CFTR: variants seen among roughly 807,000 people sequenced by gnomAD.
CFTR encodes cystic fibrosis transmembrane conductance regulator.
CFTR carries 181 observed loss-of-function variants against 171.6 expected under a neutral mutation model. The observed-to-expected ratio is 1.05, with a 90% CI of 0.93 to 1.19. The LOEUF (loss-of-function observed/expected upper bound fraction) is 1.19, where lower values mean the gene tolerates loss of function less well. Ranked by LOEUF, CFTR falls within the 50% of genes most tolerant of loss-of-function variation. CFTR has a pLI of 0.00. For missense variants in CFTR, 1,968 were observed against 1,734.7 expected (o/e 1.13, Z -2.39); for synonymous variants, 583 against 608.0 (o/e 0.96, Z 0.60).
chr7:117,512,826 A>T (rs2116646839), intron 3 of CFTR, among the ~76,000 whole-genome samples: 1 of 152,090 alleles, frequency 6.6e-6, no homozygotes, highest in Non-Finnish European at 1.5e-5. Context: ...CATTCAAAAT[A>T]CTCTTGATTC....
chr7:117,621,181 G>C (rs916534770), intron 21 of CFTR, among the ~76,000 whole-genome samples: 1 of 152,132 alleles, frequency 6.6e-6, no homozygotes, highest in Non-Finnish European at 1.5e-5. Context: ...CTCTTGGTAG[G>C]GGGCAGGGTG....
chr7:117,587,784 G>T lies in CFTR; in HGVS notation c.1630G>T (p.Gly544Cys). 1 of 1,612,344 alleles carries T rather than the reference G, an allele frequency of 6.2e-7. No homozygotes were observed. The highest frequency in any genetic ancestry group is 8.5e-7 in the Non-Finnish European group (1 of 1,178,622). The change falls in exon 12 of 27, where the codon GGT becomes TGT. Residue 544 changes from glycine (G) to cysteine (C), a missense_variant. By Grantham distance (159) the Gly-to-Cys change is radical. Coordinates refer to ENST00000003084, the MANE Select transcript of CFTR (RefSeq NM_000492.4). ...AEKDNIVLGE[G>C]GITLSGGQRA... ...GAAAGACAATATAGTTCTTGGAGAA[G>T]GTGGAATCACACTGAGTGGAGGTCA... is the stretch of plus-strand genomic sequence containing the variant.
At chr7:117,511,673 A>G (rs1164220540) in intron 3 of CFTR, among the ~76,000 whole-genome samples, 1 of 152,212 alleles carries the variant, frequency 6.6e-6, no homozygotes, top group Non-Finnish European at 1.5e-5. Flanking sequence ...ATGAGGCTGC[A>G]GGTTTTTCAC....
rs770608125 is a variant in CFTR, at chr7:117,531,121, C to T, written c.489+7C>T. 3 of 1,591,954 alleles carry T rather than the reference C, an allele frequency of 1.9e-6. No individual in the cohort carries two copies. The African/African-American group carries it at 4.0e-5, about 21-fold the overall frequency. On this transcript the variant is annotated splice_region_variant and intron_variant, in intron 4 of 26. Transcript: ENST00000003084. Reference sequence around the variant, plus strand: ...TAGTTTGATTTATAAGAAGGTAATACTTCCTTGCACAGGCCCCATGGCACA... The same window carrying T: ...TAGTTTGATTTATAAGAAGGTAATATTTCCTTGCACAGGCCCCATGGCACA...
At chr7:117,535,830 G>A (rs960554936) in intron 6 of CFTR, among the ~76,000 whole-genome samples, 4 of 151,938 alleles carry the variant, frequency 2.6e-5, no homozygotes, top group African/African-American at 4.8e-5. Flanking sequence ...TACCGCGCCC[G>A]GCCTAAAAAA....
chr7:117,604,720 T>C (rs1472817406), intron 17 of CFTR: 1 of 152,218 alleles, frequency 6.6e-6, no homozygotes, highest in Non-Finnish European at 1.5e-5. Flanking sequence ...TGCTGAAATA[T>C]TGCCGCATTT....
chr7:117,551,202 T>C (rs940985866), intron 10 of CFTR, among the ~76,000 whole-genome samples: 28 of 152,176 alleles, frequency 1.8e-4, no homozygotes, highest in Admixed American at 7.2e-4. Context: ...TTTGATTAGA[T>C]AAATTTTGGT....
chr7:117,663,225 G>A (rs1177526829), intron 24 of CFTR, among the ~76,000 whole-genome samples: 1 of 151,990 alleles, frequency 6.6e-6, no homozygotes, highest in African/African-American at 2.4e-5. Flanking sequence ...AAAGTTGAAG[G>A]CACAAAGAAA....
chr7:117,509,288 TAGTA>T (rs1798475792), intron 3 of CFTR, 146 bp downstream of exon 3: 1 of 651,842 alleles, frequency 1.5e-6, no homozygotes, highest in African/African-American at 1.8e-5. Context: ...CCTAAAACTC[TAGTA>T]AGGATAAGTA....
rs1399214727 is a variant in CFTR, at chr7:117,602,874, C to T, written c.2657+11C>T. The T allele has an allele frequency of 3.1e-6, 5 of 1,608,382 alleles. No homozygotes were observed. The South Asian group carries it at 5.5e-5, about 18-fold the overall frequency. On this transcript the variant is annotated intron_variant, in intron 16 of 26. Transcript: ENST00000003084. ...GTGGCTCCTTGGAAAGTGAGTATTC[C>T]ATGTCCTATTGTGTAGATTGTGTTT...
intron 10 of CFTR, among the ~76,000 whole-genome samples, chr7:117,556,550 C>T (rs552288655): frequency 9.1e-6 from 1 of 109,794 alleles, no homozygotes; most frequent in African/African-American, 3.6e-5. Context: ...GACGGAGTCT[C>T]GCTCTGTCGC....
chr7:117,579,540 C>A (rs1791820863), intron 11 of CFTR, among the ~76,000 whole-genome samples: 1 of 151,276 alleles, frequency 6.6e-6, no homozygotes, highest in Admixed American at 6.6e-5. Context: ...GCACAAATAT[C>A]CATTAGCTAT....
At chr7:117,506,531 C>A (rs1343759728) in intron 2 of CFTR, among the ~76,000 whole-genome samples, 2 of 152,148 alleles carry the variant, frequency 1.3e-5, no homozygotes, top group African/African-American at 4.8e-5. Flanking sequence ...TAGGTGTGAG[C>A]CACTATGCCC....
chr7:117,524,386 A>G (rs951820194), intron 3 of CFTR, among the ~76,000 whole-genome samples: 1 of 150,674 alleles, frequency 6.6e-6, no homozygotes, highest in Non-Finnish European at 1.5e-5. Flanking sequence ...CAAACCCACT[A>G]GTCATGAAAA....
chr7:117,529,597 T>C (rs933219698), intron 3 of CFTR, among the ~76,000 whole-genome samples: 1 of 151,838 alleles, frequency 6.6e-6, no homozygotes, highest in African/African-American at 2.4e-5. Context: ...AAACATTGTA[T>C]ATAAAGCACA....
At chr7:117,523,428 G>C (rs1798715529) in intron 3 of CFTR, among the ~76,000 whole-genome samples, 1 of 150,366 alleles carries the variant, frequency 6.7e-6, no homozygotes, top group Admixed American at 6.7e-5. Flanking sequence ...CCAGGCTGAA[G>C]TGCAGTGGCG....
In CFTR at chr7:117,536,600, A is replaced by T; in HGVS notation, c.796A>T (p.Ile266Phe). The change falls in exon 7 of 27, where the codon ATT becomes TTT. Residue 266 changes from isoleucine (I) to phenylalanine (F), a missense_variant. Transcript: ENST00000003084. ...AAGACTTGTGATTACCTCAGAAATG[A>T]TTGAAAATATCCAATCTGTTAAGGC... ...SERLVITSEM[I>F]ENIQSVKAYC... is the part of the protein sequence containing the mutation. 6.2e-7 allele frequency: 1 copy of T among 1,609,630 alleles called. No homozygotes were observed. The highest frequency in any genetic ancestry group is 8.5e-7 in the Non-Finnish European group (1 of 1,177,886).
At chr7:117,606,535 A>G in intron 17 of CFTR, 139 bp from the exon 18 acceptor site, 1 of 623,480 alleles carries the variant, frequency 1.6e-6, no homozygotes, top group South Asian at 2.0e-5. Flanking sequence ...AAAAATTTCT[A>G]AGTCTATCTG....
intron 15 of CFTR, among the ~76,000 whole-genome samples, chr7:117,596,386 C>T (rs995126525): frequency 1.3e-5 from 2 of 152,232 alleles, no homozygotes; most frequent in Admixed American, 6.5e-5. Context: ...GAGCCTCCCC[C>T]CAACCTGCCG....
Sources: allele counts gnomAD v4.1 joint callset (sites outside exome capture counted in the v4.1 genomes callset), GRCh38; gene constraint gnomAD v4.1.1; transcripts MANE v1.5; gene names NCBI Gene and HGNC (gene_info 2026-07-23, HGNC 2026-07-21).